The following NPAS3 variants were observed in gnomAD, a reference collection of about 807,000 sequenced individuals.
NPAS3 encodes the protein neuronal PAS domain-containing protein 3.
A neutral mutation model predicts 73.1 loss-of-function variants in NPAS3; 14 were observed. That is an observed-to-expected ratio of 0.19 (90% CI 0.13 to 0.30). The LOEUF is 0.30. NPAS3 is among the 10% of genes least tolerant of loss of function. NPAS3 has a pLI of 1.00. For missense variants in NPAS3, 1,096 were observed against 1,250.0 expected, an observed-to-expected ratio of 0.88 and a Z score of 1.86; for synonymous variants, 620 against 541.5, an observed-to-expected ratio of 1.14 and a Z score of -2.01.
At chr14:33,182,169 CT>C (rs1412273790) in intron 2 of NPAS3, among the ~76,000 whole-genome samples, 1 of 152,108 alleles carries the variant, frequency 6.6e-6, no homozygotes, top group Non-Finnish European at 1.5e-5. Flanking sequence ...CATATGGAAT[CT>C]TTTAAAGAAG....
chr14:33,473,091 A>G (rs533798679), intron 4 of NPAS3, among the ~76,000 whole-genome samples: 7 of 152,238 alleles, frequency 4.6e-5, no homozygotes, highest in African/African-American at 1.7e-4. Flanking sequence ...TCGCAGAGTA[A>G]AAGAGAGATT....
chr14:33,305,158 TAGAG>T (rs547941565), intron 3 of NPAS3, among the ~76,000 whole-genome samples: 23 of 151,018 alleles, frequency 1.5e-4, no homozygotes, highest in African/African-American at 5.3e-4. Flanking sequence ...ATGGATGAAG[TAGAG>T]AGAGAGAGAG....
intron 3 of NPAS3, chr14:33,215,669 G>C (rs1243667413): frequency 1.0e-5 from 7 of 674,210 alleles, no homozygotes; most frequent in Non-Finnish European, 1.3e-5. Flanking sequence ...TAAGATTTCA[G>C]AGAAATGAAA....
At chr14:33,384,368 A>G (rs539971282) in intron 4 of NPAS3, among the ~76,000 whole-genome samples, 2 of 150,878 alleles carry the variant, frequency 1.3e-5, no homozygotes, top group African/African-American at 4.9e-5. Flanking sequence ...TTCACACAGT[A>G]TTATTTTAAT....
intron 9 of NPAS3, among the ~76,000 whole-genome samples, chr14:33,782,765 A>T (rs1429871221): frequency 6.6e-6 from 1 of 152,060 alleles, no homozygotes. Flanking sequence ...ATTGCCTTTG[A>T]GATCACATGC....
intron 5 of NPAS3, among the ~76,000 whole-genome samples, chr14:33,571,542 G>A (rs1231540749): frequency 2.0e-5 from 3 of 152,114 alleles, no homozygotes; most frequent in Non-Finnish European, 2.9e-5. Flanking sequence ...ATGCTTCAAA[G>A]GATATAACTT....
chr14:33,455,941 G>A (rs186097940), intron 4 of NPAS3, among the ~76,000 whole-genome samples: 47 of 152,274 alleles, frequency 3.1e-4, no homozygotes, highest in African/African-American at 8.9e-4. Context: ...GACACACAGG[G>A]CCATCTTCTT....
intron 4 of NPAS3, among the ~76,000 whole-genome samples, chr14:33,547,037 A>G (rs2054878585): frequency 6.6e-6 from 1 of 152,210 alleles, no homozygotes; most frequent in Non-Finnish European, 1.5e-5. Flanking sequence ...GTCTTAAGCA[A>G]GTATAGTTAA....
At chr14:33,208,881 C>A (rs907381246) in intron 2 of NPAS3, among the ~76,000 whole-genome samples, 2 of 152,148 alleles carry the variant, frequency 1.3e-5, no homozygotes, top group Admixed American at 6.6e-5. Flanking sequence ...TCTTTACTGA[C>A]GTGTTTCTGC....
intron 3 of NPAS3, among the ~76,000 whole-genome samples, chr14:33,303,082 A>G (rs888818940): frequency 2.0e-5 from 3 of 152,130 alleles, no homozygotes; most frequent in African/African-American, 7.2e-5. Context: ...TTTGGCCATC[A>G]GGACTTTATA....
rs1251829929 is a variant in NPAS3 at position 33,544,785 on chromosome 14, G to GTGTA, written c.469-15335_469-15334insGTAT. On this transcript the variant is annotated intron_variant, in intron 4 of 11. Coordinates refer to ENST00000356141, the Ensembl canonical transcript of NPAS3. ...TATGCATGTATGTGTTTATGTGTGT[G>GTGTA]TATTATATATATATATATATATATA... Among the ~76,000 whole-genome samples, 566 of 56,702 alleles carry GTGTA rather than the reference G, an allele frequency of 1.0e-2. 7 individuals are homozygous for GTGTA. Among genetic ancestry groups the GTGTA allele is most frequent in the Middle Eastern group, 0.053 (5 of 94 alleles). 37.2% of individuals were successfully genotyped at this position (56,702 alleles called of 152,430 possible). A position where few individuals can be genotyped will look rare whatever the true frequency, so the allele number is the denominator to read the frequency against.
chr14:33,262,967 GTTGT>G (rs1405648303), intron 3 of NPAS3, among the ~76,000 whole-genome samples: 8 of 152,046 alleles, frequency 5.3e-5, no homozygotes, highest in African/African-American at 1.7e-4. Flanking sequence ...TGTTGATGGG[GTTGT>G]TTGTTTTTTT....
At chr14:33,051,189 G>A (rs1166151846) in intron 1 of NPAS3, among the ~76,000 whole-genome samples, 4 of 149,790 alleles carry the variant, frequency 2.7e-5, no homozygotes, top group Non-Finnish European at 3.0e-5. Context: ...CAGGAGAATG[G>A]CGTGAACCCA....
At position 33,094,347 on chromosome 14, in the gene NPAS3, T is replaced by C. The variant is rs377708639; in HGVS notation, c.140+38353T>C. Among the ~76,000 whole-genome samples the C allele has an allele frequency of 1.9e-4, 29 of 152,222 alleles. 1 individual carries two copies. The highest frequency in any genetic ancestry group is 1.4e-3 in the Admixed American group (22 of 15,290). On this transcript the variant is annotated intron_variant, in intron 2 of 11. Transcript: ENST00000356141. ...ATTCAATTTATTATCTTTAAAAATA[T>C]CTTCTGTTTTATTTATGGTAAACCA...
In NPAS3 at chr14:33,563,010, C is replaced by G. The variant is rs115576693; in HGVS notation, c.558+2800C>G. On this transcript the variant is annotated intron_variant, in intron 5 of 11. Transcript: ENST00000356141. ...CAAATTCTAGACAGTGATAAGGAAT[C>G]TGTAAAGTTATGGACCCTCCTTTCC... 6.4e-3 allele frequency among the ~76,000 whole-genome samples: 966 copies of G among 152,104 alleles called. 10 individuals carry two copies. Among genetic ancestry groups the G allele is most frequent in the African/African-American group, 0.022 (905 of 41,470 alleles).
intron 10 of NPAS3, among the ~76,000 whole-genome samples, chr14:33,797,241 G>A (rs1249992050): frequency 6.6e-6 from 1 of 152,192 alleles, no homozygotes; most frequent in Non-Finnish European, 1.5e-5. Context: ...CAGGGATTTG[G>A]GTATTCGATC....
At chr14:33,704,935 A>C (rs2060616957) in intron 6 of NPAS3, among the ~76,000 whole-genome samples, 1 of 152,218 alleles carries the variant, frequency 6.6e-6, no homozygotes, top group African/African-American at 2.4e-5. Context: ...ACACTTGAAA[A>C]TATGGGTGCA....
rs1281377119 is a variant in NPAS3, at chr14:33,003,978, A to G, written c.51-51927A>G. On this transcript the variant is annotated intron_variant, in intron 1 of 11. Transcript: ENST00000356141. ...CTGGAGTCTCATTACACTGATTTGAATCCTGGTCATAGCACCTATTAACAT... is the reference window on the plus strand; with the variant it reads ...CTGGAGTCTCATTACACTGATTTGAGTCCTGGTCATAGCACCTATTAACAT... Among the ~76,000 whole-genome samples, 4 of 152,232 alleles carry G rather than the reference A, an allele frequency of 2.6e-5. No homozygotes were observed. In the South Asian group the frequency reaches 6.2e-4, roughly 24 times the overall value.
At chr14:33,802,379 AAAAAAAAAAAAAG>A (rs1262195283), downstream of NPAS3, 3 of 145,804 alleles carry the variant, frequency 2.1e-5, no homozygotes, top group African/African-American at 7.7e-5. Context: ...CATTAAGTAA[AAAAAAAAAAAAAG>A]AAAAAAAAAA....
Sources: gnomAD v4.1 joint callset for allele counts (sites outside exome capture counted in the v4.1 genomes callset) on GRCh38, gnomAD v4.1.1 for gene constraint, MANE v1.5 for transcripts, NCBI Gene and HGNC (gene_info 2026-07-23, HGNC 2026-07-21) for gene names.